The following MYRIP variants were observed in gnomAD, a reference collection of about 807,000 sequenced individuals.
MYRIP encodes the protein rab effector MyRIP.
In MYRIP, 49 loss-of-function variants were observed where a neutral mutation model predicts 98.0. The observed-to-expected ratio is 0.50, with a 90% CI of 0.40 to 0.63. MYRIP has a LOEUF of 0.63. Among genes scored for constraint, MYRIP ranks in the 30% least tolerant of loss-of-function variants. The pLI is 0.00. For synonymous variants in MYRIP, 404 were observed against 409.5 expected (o/e 0.99, Z 0.16); for missense variants, 1,004 against 1,058.2 (o/e 0.95, Z 0.71).
chr3:39,938,800 C>T (rs1220065353), intron 2 of MYRIP, among the ~76,000 whole-genome samples: 3 of 152,078 alleles, frequency 2.0e-5, no homozygotes, highest in Admixed American at 6.6e-5. Flanking sequence ...CCACCAAGCC[C>T]GGCCCTTCTA....
At chr3:39,975,771 C>T (rs941505240) in intron 2 of MYRIP, among the ~76,000 whole-genome samples, 9 of 152,168 alleles carry the variant, frequency 5.9e-5, no homozygotes, top group Non-Finnish European at 1.0e-4. Flanking sequence ...TGATCTTTGA[C>T]AAACCTGAGA....
At chr3:40,091,929 C>A (rs1293854626) in intron 3 of MYRIP, among the ~76,000 whole-genome samples, 2 of 152,266 alleles carry the variant, frequency 1.3e-5, no homozygotes, top group Non-Finnish European at 2.9e-5. Flanking sequence ...TTTCTACTCC[C>A]TGGTAATGGT....
chr3:40,114,401 A>G (rs1949230975), intron 3 of MYRIP, among the ~76,000 whole-genome samples: 1 of 152,234 alleles, frequency 6.6e-6, no homozygotes, highest in African/African-American at 2.4e-5. Flanking sequence ...TCACAATGAC[A>G]AAATTGCCTA....
intron 7 of MYRIP, among the ~76,000 whole-genome samples, chr3:40,169,691 C>G (rs534096800): frequency 1.8e-4 from 28 of 152,320 alleles, no homozygotes; most frequent in Admixed American, 5.2e-4. Flanking sequence ...AACATGAGGT[C>G]TGACACATGC....
At chr3:40,120,158 G>A (rs1949371057) in intron 3 of MYRIP, among the ~76,000 whole-genome samples, 1 of 152,048 alleles carries the variant, frequency 6.6e-6, no homozygotes, top group South Asian at 2.1e-4. Context: ...GTATTTTCTT[G>A]TGAACAAATG....
chr3:40,100,618 G>A (rs1390432956), intron 3 of MYRIP, among the ~76,000 whole-genome samples: 1 of 152,196 alleles, frequency 6.6e-6, no homozygotes, highest in Non-Finnish European at 1.5e-5. Flanking sequence ...GGCTGCCTTT[G>A]CTGCAGATGT....
At chr3:39,866,754 C>T (rs1942640259) in intron 1 of MYRIP, among the ~76,000 whole-genome samples, 2 of 152,102 alleles carry the variant, frequency 1.3e-5, no homozygotes, top group South Asian at 4.1e-4. Context: ...TGTATACTAC[C>T]CAAAGCATTC....
chr3:40,091,813 G>A (rs1948741543), intron 3 of MYRIP, among the ~76,000 whole-genome samples: 1 of 152,058 alleles, frequency 6.6e-6, no homozygotes, highest in Admixed American at 6.6e-5. Flanking sequence ...GTGGGTTGAG[G>A]GAGAATTCAA....
intron 11 of MYRIP, among the ~76,000 whole-genome samples, chr3:40,222,078 G>C (rs1199601482): frequency 1.3e-5 from 2 of 152,176 alleles, no homozygotes; most frequent in Admixed American, 1.3e-4. Context: ...GGTGAGTGGA[G>C]GATGCTAAAC....
intron 2 of MYRIP, among the ~76,000 whole-genome samples, chr3:39,984,659 C>T (rs1470914373): frequency 7.9e-5 from 12 of 152,004 alleles, no homozygotes; most frequent in Non-Finnish European, 1.6e-4. Context: ...CAAGTCTTTG[C>T]TGTTGTGAAT....
chr3:40,162,907 C>A lies in MYRIP; in HGVS notation c.550+97C>A, dbSNP rs755119788. 5.1e-5 allele frequency: 56 copies of A among 1,088,604 alleles called. 1 individual carries two copies. The highest frequency in any genetic ancestry group is 3.1e-4 in the East Asian group (13 of 42,212). The allele number at this position is 1,088,604 out of a possible 1,614,324, so 67.4% of individuals were successfully genotyped here. On this transcript the variant is annotated intron_variant, in intron 5 of 16. Transcript: ENST00000302541. ...CCAGGGTCCCCCAGATGCATTGTTA[C>A]CCCAGATGCAACTATCTACTACTGT...
intron 3 of MYRIP, among the ~76,000 whole-genome samples, chr3:40,061,835 A>G (rs769368640): frequency 2.0e-5 from 3 of 152,042 alleles, no homozygotes; most frequent in Non-Finnish European, 2.9e-5. Context: ...TTTGATTTGC[A>G]TTTCTCTAAT....
At chr3:39,879,850 A>AT (rs1002973465) in intron 1 of MYRIP, among the ~76,000 whole-genome samples, 1 of 152,056 alleles carries the variant, frequency 6.6e-6, no homozygotes, top group Admixed American at 6.6e-5. Context: ...TTGTAGGTAG[A>AT]TTTTTTAGCT....
At position 39,862,770 on chromosome 3, in the gene MYRIP, A is replaced by G. The variant is rs113650493; in HGVS notation, c.-30-38017A>G. Among the ~76,000 whole-genome samples, 11 of 152,286 alleles carry G rather than the reference A, an allele frequency of 7.2e-5. 1 individual carries two copies. The highest frequency in any genetic ancestry group is 2.4e-4 in the African/African-American group (10 of 41,552). On this transcript the variant is annotated intron_variant, in intron 1 of 16. Transcript: ENST00000302541. ...TAAAGATATTTGGGACTTGAACTTG[A>G]CACTTGACCAAATGGACCTGATAGA... is the stretch of plus-strand genomic sequence containing the variant.
At chr3:39,824,133 G>A (rs1031794304) in intron 1 of MYRIP, among the ~76,000 whole-genome samples, 1 of 152,014 alleles carries the variant, frequency 6.6e-6, no homozygotes, top group African/African-American at 2.4e-5. Context: ...GAATGCTCTT[G>A]GTGCCTTTGT....
At chr3:40,142,983 T>G (rs1245108479) in intron 3 of MYRIP, among the ~76,000 whole-genome samples, 2 of 152,136 alleles carry the variant, frequency 1.3e-5, no homozygotes, top group Non-Finnish European at 2.9e-5. Context: ...TCTCACACAT[T>G]TGTGGGAATG....
chr3:40,189,230 T>C (rs1453416071), intron 9 of MYRIP, among the ~76,000 whole-genome samples: 3 of 152,228 alleles, frequency 2.0e-5, no homozygotes, highest in South Asian at 2.1e-4. Context: ...TAAAATGACA[T>C]TGGAAATACC....
intron 2 of MYRIP, among the ~76,000 whole-genome samples, chr3:39,932,111 G>A (rs1360157120): frequency 1.3e-5 from 2 of 152,052 alleles, no homozygotes; most frequent in South Asian, 2.1e-4. Context: ...GCCCCATGCT[G>A]GTCCTCATTA....
intron 15 of MYRIP, among the ~76,000 whole-genome samples, chr3:40,251,377 G>A (rs1023406830): frequency 6.6e-6 from 1 of 152,180 alleles, no homozygotes; most frequent in Non-Finnish European, 1.5e-5. Context: ...TTGGGCATTA[G>A]AAAGGTAATA....
Sources: allele counts gnomAD v4.1 joint callset (sites outside exome capture counted in the v4.1 genomes callset), GRCh38; gene constraint gnomAD v4.1.1; transcripts MANE v1.5; gene names NCBI Gene and HGNC (gene_info 2026-07-23, HGNC 2026-07-21).